Variants in LHFPL2 observed in about 807,000 individuals in gnomAD.
LHFPL2 encodes the protein LHFPL tetraspan subfamily member 2.
Under a neutral mutation model 17.5 loss-of-function variants are expected in LHFPL2, and 7 were observed. The observed-to-expected ratio is 0.40, with a 90% CI of 0.23 to 0.75. The LOEUF is 0.75. LHFPL2 is among the 30% of genes least tolerant of loss of function. The pLI is 0.37. For missense variants in LHFPL2, 241 were observed against 294.8 expected (o/e 0.82, Z 1.34); for synonymous variants, 134 against 116.2 (o/e 1.15, Z -0.99).
chr5:78,498,291 G>C (rs1446540353), intron 4 of LHFPL2, among the ~76,000 whole-genome samples: 1 of 152,192 alleles, frequency 6.6e-6, no homozygotes, highest in African/African-American at 2.4e-5. Context: ...TCTGTTTCCA[G>C]TAGATGTTTA....
chr5:78,599,475 ATTTT>A (rs34830490), intron 2 of LHFPL2, among the ~76,000 whole-genome samples: 2 of 143,342 alleles, frequency 1.4e-5, no homozygotes, highest in Admixed American at 7.1e-5. Context: ...AATTTTTTGT[ATTTT>A]TTTTTTTTTT....
chr5:78,592,278 T>C (rs1743653399), intron 2 of LHFPL2, among the ~76,000 whole-genome samples: 1 of 152,174 alleles, frequency 6.6e-6, no homozygotes, highest in Non-Finnish European at 1.5e-5. Flanking sequence ...AGCACCTCTC[T>C]CAAAGGAGTG....
intron 3 of LHFPL2, among the ~76,000 whole-genome samples, chr5:78,561,186 A>T (rs1050461813): frequency 6.6e-6 from 1 of 152,272 alleles, no homozygotes; most frequent in Non-Finnish European, 1.5e-5. Context: ...AATTTACAGT[A>T]GAAAAAGTAG....
At chr5:78,560,804 C>A (rs759717299) in intron 3 of LHFPL2, among the ~76,000 whole-genome samples, 16 of 152,034 alleles carry the variant, frequency 1.1e-4, no homozygotes, top group African/African-American at 3.9e-4. Flanking sequence ...AAAGAAAAAA[C>A]CCACTTTCAT....
chr5:78,519,294 T>G (rs1001543423), intron 3 of LHFPL2, among the ~76,000 whole-genome samples: 2 of 152,182 alleles, frequency 1.3e-5, no homozygotes, highest in Non-Finnish European at 2.9e-5. Flanking sequence ...AGGACAGACC[T>G]CATCACAGTA....
chr5:78,583,449 C>T, intron 2 of LHFPL2, among the ~76,000 whole-genome samples: 1 of 149,512 alleles, frequency 6.7e-6, no homozygotes, highest in East Asian at 2.0e-4. Context: ...TTTAGCGCTT[C>T]CTTCAGGAGC....
intron 2 of LHFPL2, among the ~76,000 whole-genome samples, chr5:78,618,507 T>G (rs1156432992): frequency 6.6e-6 from 1 of 152,178 alleles, no homozygotes; most frequent in African/African-American, 2.4e-5. Context: ...TGGGTCCAGA[T>G]AAGAACATCC....
intron 2 of LHFPL2, among the ~76,000 whole-genome samples, chr5:78,590,440 T>G (rs1743586422): frequency 6.6e-6 from 1 of 152,146 alleles, no homozygotes; most frequent in South Asian, 2.1e-4. Flanking sequence ...TGATTTCACA[T>G]ATTTTTTTAA....
chr5:78,575,144 G>A (rs769941596), intron 2 of LHFPL2, among the ~76,000 whole-genome samples: 1 of 152,168 alleles, frequency 6.6e-6, no homozygotes, highest in Non-Finnish European at 1.5e-5. Flanking sequence ...GGAGGCTGCA[G>A]GCAACCCCCA....
chr5:78,542,221 C>T (rs1376252499), intron 3 of LHFPL2, among the ~76,000 whole-genome samples: 2 of 152,198 alleles, frequency 1.3e-5, no homozygotes, highest in East Asian at 3.9e-4. Flanking sequence ...GCAGGCCTCA[C>T]ATCACCCCAG....
intron 3 of LHFPL2, among the ~76,000 whole-genome samples, chr5:78,513,501 G>C (rs1368491146): frequency 6.6e-6 from 1 of 152,146 alleles, no homozygotes; most frequent in Non-Finnish European, 1.5e-5. Context: ...ACTATCAGAG[G>C]AACAGTGGTG....
intron 3 of LHFPL2, among the ~76,000 whole-genome samples, chr5:78,520,270 G>A (rs1755412370): frequency 6.6e-6 from 1 of 152,168 alleles, no homozygotes; most frequent in African/African-American, 2.4e-5. Flanking sequence ...CAAAGTCATA[G>A]GCAAGGGAAA....
At position 78,488,527 on chromosome 5, in the gene LHFPL2, T is replaced by G; in HGVS notation, c.*370A>C. 1 of 259,746 alleles carries G rather than the reference T, an allele frequency of 3.8e-6. No homozygotes were observed. The highest frequency in any genetic ancestry group is 7.6e-6 in the Non-Finnish European group (1 of 131,878). 16.1% of individuals were successfully genotyped at this position (259,746 alleles called of 1,614,324 possible). On this transcript the variant is annotated 3_prime_UTR_variant, in exon 5 of 5. Transcript: ENST00000380345. ...GGCAGAGATGCTCACAAGCAAGCAGTGTTGGAGCAGAAACAGCCTGCAGAT... is the reference window on the plus strand; with the variant it reads ...GGCAGAGATGCTCACAAGCAAGCAGGGTTGGAGCAGAAACAGCCTGCAGAT...
At chr5:78,524,598 C>T (rs544764640) in intron 3 of LHFPL2, among the ~76,000 whole-genome samples, 114 of 152,096 alleles carry the variant, frequency 7.5e-4, no homozygotes, top group African/African-American at 2.5e-3. Context: ...AAAAATTAGC[C>T]AGGTGTGGTG....
chr5:78,538,649 C>T (rs1450165305), intron 3 of LHFPL2, among the ~76,000 whole-genome samples: 1 of 152,212 alleles, frequency 6.6e-6, no homozygotes, highest in African/African-American at 2.4e-5. Context: ...ACAACAACAA[C>T]ACCTGCCCAT....
chr5:78,638,488 C>T (rs371396418), intron 1 of LHFPL2, among the ~76,000 whole-genome samples: 28 of 152,312 alleles, frequency 1.8e-4, no homozygotes, highest in African/African-American at 3.9e-4. Context: ...ACCTCGTGAT[C>T]GTAAATCAGC....
chr5:78,546,415 C>T (rs1400860467), intron 3 of LHFPL2, among the ~76,000 whole-genome samples: 1 of 152,222 alleles, frequency 6.6e-6, no homozygotes, highest in Admixed American at 6.5e-5. Context: ...GGCCTATCCC[C>T]ACCCCCACTA....
chr5:78,565,575 A>G lies in LHFPL2; in HGVS notation c.-244-704T>C, dbSNP rs145252853. Among the ~76,000 whole-genome samples the G allele has an allele frequency of 2.1e-4, 32 of 152,358 alleles. No homozygotes were observed. In the East Asian group the frequency reaches 6.0e-3, roughly 28 times the overall value. On this transcript the variant is annotated intron_variant, in intron 2 of 4. Coordinates refer to ENST00000380345, the MANE Select transcript of LHFPL2 (RefSeq NM_005779.3). ...TCAGCATTGCTTTGAAATATTAAAC[A>G]TAAATGGAACAAATTTCTAACATAA...
At chr5:78,552,248 C>T (rs1181701390) in intron 3 of LHFPL2, among the ~76,000 whole-genome samples, 1 of 152,016 alleles carries the variant, frequency 6.6e-6, no homozygotes, top group African/African-American at 2.4e-5. Flanking sequence ...ATTCTCCTGC[C>T]TCAGCCTCCT....
Sources: allele counts gnomAD v4.1 joint callset (sites outside exome capture counted in the v4.1 genomes callset), GRCh38; gene constraint gnomAD v4.1.1; transcripts MANE v1.5; gene names NCBI Gene and HGNC (gene_info 2026-07-23, HGNC 2026-07-21).